RALGDS: variants seen among roughly 807,000 people sequenced by gnomAD.
RALGDS encodes ral guanine nucleotide exchange factor.
In RALGDS, 44 loss-of-function variants were observed where a neutral mutation model predicts 99.8. The observed-to-expected ratio is 0.44, with a 90% CI of 0.35 to 0.57. RALGDS has a LOEUF of 0.57. RALGDS is among the 20% of genes least tolerant of loss of function. RALGDS has a pLI of 0.01. For synonymous variants in RALGDS, 529 were observed against 505.0 expected (o/e 1.05, Z -0.64); for missense variants, 1,022 against 1,203.1 (o/e 0.85, Z 2.23).
At chr9:133,117,960 C>T (rs1056592325) in intron 1 of RALGDS, among the ~76,000 whole-genome samples, 2 of 152,230 alleles carry the variant, frequency 1.3e-5, no homozygotes, top group African/African-American at 4.8e-5. Flanking sequence ...AAGAATCAGA[C>T]CCCAGCTCTG....
chr9:133,117,299 G>A (rs1831656028), intron 1 of RALGDS, among the ~76,000 whole-genome samples: 2 of 152,210 alleles, frequency 1.3e-5, no homozygotes, highest in African/African-American at 4.8e-5. Context: ...AGGAAACTGA[G>A]GCTCAGGAGC....
At position 133,100,326 on chromosome 9, in the gene RALGDS, G is replaced by C. The variant is rs1564225891; in HGVS notation, c.2511C>G (p.Asn837Lys). 1 of 1,614,204 alleles carries C rather than the reference G, an allele frequency of 6.2e-7. No individual in the cohort carries two copies. The highest frequency in any genetic ancestry group is 8.5e-7 in the Non-Finnish European group (1 of 1,180,022). ...AVIRKAMDKHNLEEEEPEDYE... is the reference protein window; with the variant it reads ...AVIRKAMDKHKLEEEEPEDYE... ...AGTCCTCCGGCTCCTCCTCCTCCAG[G>C]TTGTGTTTGTCCATGGCCTTGCGGA... The change falls in exon 17 of 18, where the codon AAC (asparagine) becomes AAG (lysine). Residue 837 changes from asparagine to lysine, a missense_variant. Physicochemically the swap from Asn to Lys is moderately conservative, Grantham distance 94 (BLOSUM62 0). Transcript: ENST00000372050.
At chr9:133,127,003 G>C (rs966318360) in intron 1 of RALGDS, among the ~76,000 whole-genome samples, 1 of 152,190 alleles carries the variant, frequency 6.6e-6, no homozygotes, top group African/African-American at 2.4e-5. Context: ...CCACTGGCTT[G>C]GTGTGGCCCC....
intron 4 of RALGDS, 43 bp downstream of exon 4, chr9:133,109,583 G>A (rs748963897): frequency 1.7e-5 from 26 of 1,534,806 alleles, no homozygotes; most frequent in Middle Eastern, 1.7e-4. Flanking sequence ...CCCACTGTTC[G>A]GTGGGGACAG....
At position 133,103,553 on chromosome 9, in the gene RALGDS, ACTGC is replaced by A. The variant is rs151227211; in HGVS notation, c.1758+190_1758+193del. On this transcript the variant is annotated intron_variant, in intron 11 of 17. Coordinates refer to ENST00000372050, the MANE Select transcript of RALGDS (RefSeq NM_006266.4). Reference sequence around the variant, plus strand: ...CTGGCTTCCCTCTGTGCTCAGGGTCACTGCCTGAGGGATGGGCTGTGTCCCACTC... The same window carrying A: ...CTGGCTTCCCTCTGTGCTCAGGGTCACTGAGGGATGGGCTGTGTCCCACTC... The A allele has an allele frequency of 9.6e-4, 686 of 714,260 alleles. 11 individuals carry two copies. The East Asian group carries it at 0.017, about 17-fold the overall frequency. 44.2% of individuals were successfully genotyped at this position (714,260 alleles called of 1,614,324 possible). A position where few individuals can be genotyped will look rare whatever the true frequency, so the allele number is the denominator to read the frequency against.
intron 1 of RALGDS, among the ~76,000 whole-genome samples, chr9:133,140,724 G>A (rs1048242249): frequency 1.3e-5 from 2 of 152,162 alleles, no homozygotes; most frequent in Non-Finnish European, 2.9e-5. Flanking sequence ...GGTGGGTGGG[G>A]CTGTGTGCCT....
intron 13 of RALGDS, 59 bp from the exon 14 acceptor site, chr9:133,102,630 C>G: frequency 6.2e-7 from 1 of 1,607,126 alleles, no homozygotes; most frequent in Middle Eastern, 1.7e-4. Flanking sequence ...CTTCCCCCAG[C>G]ACCTGCCCAG....
intron 17 of RALGDS, chr9:133,099,431 T>G (rs984200333): frequency 6.5e-6 from 1 of 153,066 alleles, no homozygotes; most frequent in Non-Finnish European, 1.5e-5. Flanking sequence ...GGATTTAGAC[T>G]GTAACTTCTA....
chr9:133,106,161 G>A (rs544163002), intron 8 of RALGDS, 145 bp from the exon 9 acceptor site: 5 of 681,798 alleles, frequency 7.3e-6, no homozygotes, highest in Admixed American at 4.2e-5. Flanking sequence ...CGCTCTGCAG[G>A]TCTGGGGAGG....
At chr9:133,122,600 C>T (rs371403624), upstream of RALGDS, among the ~76,000 whole-genome samples, 11 of 152,370 alleles carry the variant, frequency 7.2e-5, no homozygotes, top group East Asian at 1.7e-3. Context: ...GGGCCTACTT[C>T]ACAAAAATTA....
At chr9:133,139,160 AAC>A (rs1463597562) in intron 1 of RALGDS, among the ~76,000 whole-genome samples, 1 of 152,142 alleles carries the variant, frequency 6.6e-6, no homozygotes, top group African/African-American at 2.4e-5. Flanking sequence ...ACCTGCCCCC[AAC>A]ACACGTGCTA....
intron 9 of RALGDS, among the ~76,000 whole-genome samples, chr9:133,105,563 G>A (rs1023482797): frequency 2.0e-5 from 3 of 152,026 alleles, no homozygotes; most frequent in Non-Finnish European, 4.4e-5. Flanking sequence ...CTGGCCTCCC[G>A]GGGACAGACT....
Position 133,121,197 on chromosome 9 carries a change from CG to C in RALGDS, c.-44del, listed in dbSNP as rs1193985279. 4.5e-6 allele frequency: 4 copies of C among 883,810 alleles called. No individual in the cohort carries two copies. The highest frequency in any genetic ancestry group is 5.4e-6 in the Non-Finnish European group (4 of 740,352). 54.7% of individuals were successfully genotyped at this position (883,810 alleles called of 1,614,324 possible). On this transcript the variant is annotated 5_prime_UTR_variant, in exon 1 of 18. Coordinates refer to ENST00000372050, the MANE Select transcript of RALGDS (RefSeq NM_006266.4). ...GGCGCGGGGCCGGCCCGGCGCGCGGCGGGGGCGGCGGCGCGGCCCGCGCGGC... is the reference window on the plus strand; with the variant it reads ...GGCGCGGGGCCGGCCCGGCGCGCGGCGGGGCGGCGGCGCGGCCCGCGCGGC...
chr9:133,115,206 A>C (rs1218140485), intron 1 of RALGDS, among the ~76,000 whole-genome samples: 1 of 152,212 alleles, frequency 6.6e-6, no homozygotes. Flanking sequence ...CTTCTGGTGC[A>C]GCTCCGGACT....
At chr9:133,142,422 C>T (rs1032802179) in intron 1 of RALGDS, among the ~76,000 whole-genome samples, 10 of 152,242 alleles carry the variant, frequency 6.6e-5, no homozygotes, top group South Asian at 2.1e-4. Context: ...AGCCCCAGCC[C>T]GGAGCCTTCC....
chr9:133,106,675 C>T lies in RALGDS; in HGVS notation c.1487G>A (p.Arg496His), dbSNP rs550664081. The T allele has an allele frequency of 1.1e-5, 17 of 1,611,948 alleles. No individual in the cohort carries two copies. The highest frequency in any genetic ancestry group is 2.2e-5 in the East Asian group (1 of 44,852). The change falls in exon 8 of 18, where the codon CGT becomes CAT. Residue 496 changes from arginine to histidine, a missense_variant. Transcript: ENST00000372050. ...AACGTCTTCCCACGTCTTCTTCAGA[C>T]GGTGGATGGAGTTGCTCTGCAGGGC... Reference protein sequence around the residue: ...LSALQSNSIHRLKKTWEDVSR... With the variant: ...LSALQSNSIHHLKKTWEDVSR...
chr9:133,097,860 C>T lies in RALGDS; in HGVS notation c.*727G>A. 4.4e-6 allele frequency: 1 copy of T among 229,168 alleles called. No individual in the cohort carries two copies. The highest frequency in any genetic ancestry group is 8.7e-6 in the Non-Finnish European group (1 of 115,390). 14.2% of individuals were successfully genotyped at this position (229,168 alleles called of 1,614,324 possible). A position where few individuals can be genotyped will look rare whatever the true frequency, so the allele number is the denominator to read the frequency against. ...TTATACAAATATTCAATCACCCCACCCCCACCCCAAATCCTCCTTCCTCAC... is the reference window on the plus strand; with the variant it reads ...TTATACAAATATTCAATCACCCCACTCCCACCCCAAATCCTCCTTCCTCAC... On this transcript the variant is annotated 3_prime_UTR_variant, in exon 18 of 18. Transcript: ENST00000372050.
At chr9:133,123,461 G>A (rs986323678), upstream of RALGDS, among the ~76,000 whole-genome samples, 2 of 152,180 alleles carry the variant, frequency 1.3e-5, no homozygotes, top group Admixed American at 1.3e-4. Context: ...GAAGAGTAAA[G>A]AATTCATCAC....
intron 4 of RALGDS, 75 bp downstream of exon 4, chr9:133,109,551 C>T (rs770502985): frequency 4.8e-5 from 66 of 1,373,214 alleles, no homozygotes; most frequent in African/African-American, 3.3e-4. Context: ...GCCCCGGCTC[C>T]GGCCCCAGCC....
Sources: allele counts gnomAD v4.1 joint callset (sites outside exome capture counted in the v4.1 genomes callset), GRCh38; gene constraint gnomAD v4.1.1; transcripts MANE v1.5; gene names NCBI Gene and HGNC (gene_info 2026-07-23, HGNC 2026-07-21).